Variants in LDAH observed in about 807,000 individuals in gnomAD.
LDAH encodes the protein lipid droplet-associated hydrolase.
In LDAH, 26 loss-of-function variants were observed where a neutral mutation model predicts 29.6. The ratio of observed to expected loss-of-function variants is 0.88; its 90% CI spans 0.64 to 1.22. The LOEUF (loss-of-function observed/expected upper bound fraction) is 1.22, where lower values mean the gene tolerates loss of function less well. LDAH is among the 50% of genes most tolerant of loss of function. LDAH has a pLI of 0.00. For synonymous variants in LDAH, 117 were observed against 133.0 expected (o/e 0.88, Z 0.83); for missense variants, 344 against 387.3 (o/e 0.89, Z 0.94).
chr2:20,775,601 G>T (rs535673219), intron 3 of LDAH, among the ~76,000 whole-genome samples: 1 of 152,264 alleles, frequency 6.6e-6, no homozygotes, highest in Non-Finnish European at 1.5e-5. Flanking sequence ...TTTATTTAAA[G>T]AATCCAGATC....
intron 4 of LDAH, among the ~76,000 whole-genome samples, chr2:20,766,259 CACAA>C (rs1377444441): frequency 6.6e-6 from 1 of 152,124 alleles, no homozygotes; most frequent in Non-Finnish European, 1.5e-5. Flanking sequence ...TTTCATTGGT[CACAA>C]ACAGACGCTT....
At chr2:20,786,402 C>T (rs1183259499) in intron 3 of LDAH, among the ~76,000 whole-genome samples, 1 of 152,112 alleles carries the variant, frequency 6.6e-6, no homozygotes, top group African/African-American at 2.4e-5. Context: ...GTTGGCCAGG[C>T]TGGTCAAGCA....
chr2:20,801,946 GTGTGTGTGTGTA>G (rs1349979446), intron 1 of LDAH, among the ~76,000 whole-genome samples: 9 of 148,858 alleles, frequency 6.0e-5, no homozygotes, highest in African/African-American at 1.8e-4. Context: ...GTGTGTGTGT[GTGTGTGTGTGTA>G]TGTGTGTGTG....
intron 1 of LDAH, among the ~76,000 whole-genome samples, chr2:20,811,282 T>C (rs1490696120): frequency 6.6e-6 from 1 of 151,886 alleles, no homozygotes; most frequent in Non-Finnish European, 1.5e-5. Context: ...CCTCCCAAAG[T>C]GCTGGGATTA....
In LDAH at chr2:20,684,945, A is replaced by G; in HGVS notation, c.*1958T>C. On this transcript the variant is annotated 3_prime_UTR_variant, in exon 7 of 7. Coordinates refer to ENST00000237822, the MANE Select transcript of LDAH (RefSeq NM_021925.4). ...CCACCTATGAAAAAAGCAATGAGAAAGGTGGCTTTTCACTTTAAAAGAGAG... is the reference window on the plus strand; with the variant it reads ...CCACCTATGAAAAAAGCAATGAGAAGGGTGGCTTTTCACTTTAAAAGAGAG... 6.5e-7 allele frequency: 1 copy of G among 1,549,612 alleles called. No individual in the cohort carries two copies. Among genetic ancestry groups the G allele is most frequent in the East Asian group, 2.4e-5 (1 of 40,896 alleles).
At chr2:20,739,870 G>A in intron 5 of LDAH, 101 bp downstream of exon 5, 1 of 773,086 alleles carries the variant, frequency 1.3e-6, no homozygotes, top group Non-Finnish European at 1.9e-6. Context: ...AAAAAAACTA[G>A]TAAATAATTG....
intron 6 of LDAH, among the ~76,000 whole-genome samples, chr2:20,699,413 A>G (rs116738466): frequency 6.6e-6 from 1 of 152,300 alleles, no homozygotes; most frequent in African/African-American, 2.4e-5. Context: ...GCAGACTGGG[A>G]CATATGTTGA....
Position 20,747,091 on chromosome 2 carries a change from G to T in LDAH, c.469-6886C>A, listed in dbSNP as rs184884428. The stretch of plus-strand genomic sequence containing the variant: ...AATTTGAGGTATGGCCACAAGGTAA[G>T]AAGTATGGTGCTTAGGTGTGGATTG... On this transcript the variant is annotated intron_variant, in intron 4 of 6. Transcript: ENST00000237822. Among the ~76,000 whole-genome samples, 283 of 152,140 alleles carry T rather than the reference G, an allele frequency of 1.9e-3. 1 individual carries two copies. The highest frequency in any genetic ancestry group is 5.3e-3 in the African/African-American group (218 of 41,518).
intron 5 of LDAH, among the ~76,000 whole-genome samples, chr2:20,709,869 C>T (rs1047068792): frequency 5.3e-5 from 8 of 152,122 alleles, no homozygotes; most frequent in Admixed American, 3.9e-4. Context: ...ACCCTGAAAA[C>T]ATTATGCTAA....
intron 4 of LDAH, among the ~76,000 whole-genome samples, chr2:20,747,957 C>T (rs1001561775): frequency 1.3e-5 from 2 of 152,060 alleles, no homozygotes; most frequent in Non-Finnish European, 2.9e-5. Flanking sequence ...TTTATATATA[C>T]TATATATTTA....
At chr2:20,793,702 T>C (rs1443171391) in intron 2 of LDAH, among the ~76,000 whole-genome samples, 1 of 152,146 alleles carries the variant, frequency 6.6e-6, no homozygotes, top group Non-Finnish European at 1.5e-5. Flanking sequence ...AAAAAAGTCT[T>C]CTATCTTAAA....
At chr2:20,719,035 A>G (rs927855832) in intron 5 of LDAH, among the ~76,000 whole-genome samples, 1 of 152,060 alleles carries the variant, frequency 6.6e-6, no homozygotes, top group Admixed American at 6.5e-5. Flanking sequence ...AGGGAAGTTT[A>G]TAGCAATAAA....
At chr2:20,701,065 A>G (rs555826232) in intron 6 of LDAH, among the ~76,000 whole-genome samples, 1 of 152,304 alleles carries the variant, frequency 6.6e-6, no homozygotes, top group Admixed American at 6.5e-5. Flanking sequence ...TGGTGCTTCC[A>G]GATGTGTGTG....
chr2:20,798,671 G>T (rs2125098816), intron 2 of LDAH, among the ~76,000 whole-genome samples: 1 of 151,438 alleles, frequency 6.6e-6, no homozygotes, highest in South Asian at 2.1e-4. Context: ...CCCATACTAG[G>T]AAAATAGATG....
At chr2:20,767,351 G>A (rs1455015260) in intron 4 of LDAH, among the ~76,000 whole-genome samples, 1 of 152,250 alleles carries the variant, frequency 6.6e-6, no homozygotes, top group African/African-American at 2.4e-5. Flanking sequence ...ACCTCTCCCT[G>A]CTCCTGGTGC....
chr2:20,790,155 G>A (rs1670844609), intron 3 of LDAH, 100 bp downstream of exon 3: 1 of 1,256,998 alleles, frequency 8.0e-7, no homozygotes, highest in South Asian at 1.5e-5. Flanking sequence ...AATGCCACAA[G>A]CAGAGGTTTC....
At chr2:20,771,255 G>T (rs1669392556) in intron 4 of LDAH, among the ~76,000 whole-genome samples, 1 of 152,040 alleles carries the variant, frequency 6.6e-6, no homozygotes, top group Non-Finnish European at 1.5e-5. Context: ...AATTAGTTAT[G>T]AAAATATTAC....
At chr2:20,814,347 T>C (rs1672707238) in intron 1 of LDAH, among the ~76,000 whole-genome samples, 3 of 152,308 alleles carry the variant, frequency 2.0e-5, no homozygotes, top group South Asian at 4.1e-4. Context: ...AGTTACCTGT[T>C]CTACTTAATT....
chr2:20,789,392 C>A, intron 3 of LDAH: 1 of 1,460,048 alleles, frequency 6.8e-7, no homozygotes, highest in Non-Finnish European at 9.0e-7. Context: ...CCAGTGCAGA[C>A]TGGACTGGAC....
Sources: gnomAD v4.1 joint callset for allele counts (sites outside exome capture counted in the v4.1 genomes callset) on GRCh38, gnomAD v4.1.1 for gene constraint, MANE v1.5 for transcripts, NCBI Gene and HGNC (gene_info 2026-07-23, HGNC 2026-07-21) for gene names.